Variants in HMCN1 observed in about 807,000 individuals in gnomAD.
HMCN1 encodes hemicentin 1, also known as hemicentin-1.
Under a neutral mutation model 625.9 loss-of-function variants are expected in HMCN1, and 321 were observed. The observed-to-expected ratio is 0.51, with a 90% CI of 0.47 to 0.56. HMCN1 has a LOEUF of 0.56. Ranked by LOEUF, HMCN1 falls within the 20% of genes least tolerant of loss-of-function variation. The pLI is 0.00. For synonymous variants in HMCN1, 2,425 were observed against 2,417.6 expected, an observed-to-expected ratio of 1.00 and a Z score of -0.09; for missense variants, 6,588 against 6,887.3, an observed-to-expected ratio of 0.96 and a Z score of 1.54.
intron 48 of HMCN1, among the ~76,000 whole-genome samples, chr1:186,063,073 T>TGC (rs1415326321): frequency 8.2e-4 from 71 of 86,878 alleles, no homozygotes; most frequent in African/African-American, 2.9e-3. Flanking sequence ...TGTGCATATA[T>TGC]ATATATATAT....
chr1:186,034,694 G>A (rs1445808799), intron 36 of HMCN1, among the ~76,000 whole-genome samples: 1 of 151,998 alleles, frequency 6.6e-6, no homozygotes, highest in East Asian at 1.9e-4. Flanking sequence ...AGGGTGACAG[G>A]GCTAGGTCAG....
At chr1:185,864,700 C>T (rs2102355976) in intron 3 of HMCN1, 72 bp downstream of exon 3, 2 of 1,349,576 alleles carry the variant, frequency 1.5e-6, no homozygotes, top group South Asian at 1.2e-5. Context: ...CTCTTTGACT[C>T]TTCCATGTGT....
intron 81 of HMCN1, among the ~76,000 whole-genome samples, chr1:186,124,747 G>T (rs1241115162): frequency 6.6e-6 from 1 of 151,954 alleles, no homozygotes; most frequent in African/African-American, 2.4e-5. Flanking sequence ...AAGGCCAACT[G>T]TTCTCTTTTC....
rs891432980 is a variant in HMCN1, at chr1:186,067,611, T to C, written c.7706-223T>C. On this transcript the variant is annotated intron_variant, in intron 49 of 106. Coordinates refer to ENST00000271588, the MANE Select transcript of HMCN1 (RefSeq NM_031935.3). ...CATTATTGCCCTTACTACATTGTGGTTTTTTTATGTGTTATGGTTCCTTTT... is the reference window on the plus strand; with the variant it reads ...CATTATTGCCCTTACTACATTGTGGCTTTTTTATGTGTTATGGTTCCTTTT... Among the ~76,000 whole-genome samples the C allele has an allele frequency of 2.2e-4, 34 of 152,080 alleles. 1 individual carries two copies. The highest frequency in any genetic ancestry group is 7.2e-4 in the Admixed American group (11 of 15,256).
At chr1:185,802,060 GGTT>G (rs1439488372) in intron 1 of HMCN1, among the ~76,000 whole-genome samples, 1 of 152,110 alleles carries the variant, frequency 6.6e-6, no homozygotes, top group Non-Finnish European at 1.5e-5. Flanking sequence ...AAAGGACTAA[GGTT>G]GTGGTTGAGG....
At chr1:186,014,122 C>T (rs1242627311) in intron 30 of HMCN1, among the ~76,000 whole-genome samples, 2 of 152,062 alleles carry the variant, frequency 1.3e-5, no homozygotes, top group African/African-American at 4.8e-5. Context: ...AGTGATAAGT[C>T]ATGTTGATAG....
At chr1:186,087,144 T>C in intron 58 of HMCN1, 73 bp from the exon 59 acceptor site, 1 of 912,500 alleles carries the variant, frequency 1.1e-6, no homozygotes, top group Non-Finnish European at 1.8e-6. Flanking sequence ...ATGTTGCTAT[T>C]TATCTGATTG....
chr1:185,865,660 A>G (rs376917779), intron 3 of HMCN1, 81 bp from the exon 4 acceptor site: 55 of 1,211,464 alleles, frequency 4.5e-5, no homozygotes, highest in African/African-American at 4.3e-4. Context: ...CCAGTAATGT[A>G]ACACAATAGG....
In HMCN1 at chr1:185,734,588, C is replaced by G. The variant is rs1413482591; in HGVS notation, c.-192C>G. ...AGACAAAAGCTGCCGCATCCCTGCC[C>G]TGCCCAACCCCTGGAGGGATTCGAG... On this transcript the variant is annotated 5_prime_UTR_variant, in exon 1 of 107. Transcript: ENST00000271588. The G allele has an allele frequency of 4.9e-6, 3 of 613,682 alleles. No individual in the cohort carries two copies. Among genetic ancestry groups the G allele is most frequent in the Non-Finnish European group, 8.6e-6 (3 of 347,248 alleles). The allele number at this position is 613,682 out of a possible 1,614,324, so 38.0% of individuals were successfully genotyped here.
intron 11 of HMCN1, among the ~76,000 whole-genome samples, chr1:185,937,135 G>GA (rs1375187824): frequency 6.6e-6 from 1 of 152,300 alleles, no homozygotes; most frequent in East Asian, 1.9e-4. Flanking sequence ...GAGACTAGGG[G>GA]AAAAAATATT....
At chr1:185,962,405 G>T (rs193196310) in intron 11 of HMCN1, 113 bp from the exon 12 acceptor site, 74 of 838,810 alleles carry the variant, frequency 8.8e-5, no homozygotes, top group Non-Finnish European at 1.4e-4. Context: ...TTCATCCATA[G>T]AGGAAGGCAA....
At chr1:185,881,497 A>G (rs1664309256) in intron 4 of HMCN1, among the ~76,000 whole-genome samples, 1 of 152,124 alleles carries the variant, frequency 6.6e-6, no homozygotes, top group South Asian at 2.1e-4. Context: ...TGGGGTCTTT[A>G]TAGGCACAGG....
chr1:185,844,875 A>G (rs552659657), intron 1 of HMCN1, among the ~76,000 whole-genome samples: 1 of 152,370 alleles, frequency 6.6e-6, no homozygotes, highest in South Asian at 2.1e-4. Flanking sequence ...TATTTACTAT[A>G]GACATGCTGG....
chr1:186,060,531 A>G (rs566422031), intron 46 of HMCN1, among the ~76,000 whole-genome samples: 13 of 152,092 alleles, frequency 8.5e-5, no homozygotes, highest in Non-Finnish European at 1.3e-4. Context: ...CACCCCCAGT[A>G]TATTAGAGTT....
intron 1 of HMCN1, among the ~76,000 whole-genome samples, chr1:185,811,949 T>C (rs1659546042): frequency 6.6e-6 from 1 of 152,200 alleles, no homozygotes; most frequent in Non-Finnish European, 1.5e-5. Flanking sequence ...TTAAGAATTA[T>C]GATGTTATAG....
At chr1:186,075,165 C>T (rs1361869088) in intron 53 of HMCN1, among the ~76,000 whole-genome samples, 3 of 151,944 alleles carry the variant, frequency 2.0e-5, no homozygotes, top group African/African-American at 7.2e-5. Context: ...ATTAGCATTC[C>T]CTTAACTTTA....
chr1:185,867,785 A>G (rs575565482), intron 4 of HMCN1, among the ~76,000 whole-genome samples: 1 of 152,120 alleles, frequency 6.6e-6, no homozygotes, highest in East Asian at 1.9e-4. Flanking sequence ...AGATTCCCAA[A>G]ACAGGCTGAG....
intron 5 of HMCN1, 68 bp from the exon 6 acceptor site, chr1:185,911,606 G>T: frequency 1.2e-5 from 14 of 1,133,966 alleles, no homozygotes; most frequent in Non-Finnish European, 1.7e-5. Context: ...TTTATGTAGT[G>T]TTAAATTAGC....
intron 97 of HMCN1, among the ~76,000 whole-genome samples, chr1:186,159,258 T>C (rs1346721224): frequency 1.3e-5 from 2 of 152,212 alleles, no homozygotes; most frequent in African/African-American, 4.8e-5. Flanking sequence ...GTGATTTTTG[T>C]ACATTGATTT....
Sources: allele counts gnomAD v4.1 joint callset (sites outside exome capture counted in the v4.1 genomes callset), GRCh38; gene constraint gnomAD v4.1.1; transcripts MANE v1.5; gene names NCBI Gene and HGNC (gene_info 2026-07-23, HGNC 2026-07-21).